Variants in ELF5 observed in about 807,000 individuals in gnomAD.
ELF5 encodes ETS-related transcription factor Elf-5.
ELF5 carries 31 observed loss-of-function variants against 38.2 expected under a neutral mutation model. That is an observed-to-expected ratio of 0.81 (90% CI 0.61 to 1.10). The LOEUF (loss-of-function observed/expected upper bound fraction) is 1.10, where lower values mean the gene tolerates loss of function less well. ELF5 is among the 50% of genes least tolerant of loss of function. ELF5 has a pLI of 0.00. For synonymous variants in ELF5, 121 were observed against 112.5 expected, an observed-to-expected ratio of 1.08 and a Z score of -0.48; for missense variants, 300 against 306.6, an observed-to-expected ratio of 0.98 and a Z score of 0.16.
chr11:34,494,338 G>T (rs960832914), intron 2 of ELF5, among the ~76,000 whole-genome samples: 1 of 152,196 alleles, frequency 6.6e-6, no homozygotes, highest in African/African-American at 2.4e-5. Flanking sequence ...CTGGCTATTT[G>T]TTTCTGCACA....
intron 4 of ELF5, among the ~76,000 whole-genome samples, chr11:34,483,203 C>T (rs1393268612): frequency 6.6e-6 from 1 of 151,972 alleles, no homozygotes; most frequent in Non-Finnish European, 1.5e-5. Flanking sequence ...GTGGTGCACG[C>T]CCTCATCTCA....
intron 1 of ELF5, 75 bp from the exon 2 acceptor site, chr11:34,505,828 C>T: frequency 6.7e-7 from 1 of 1,495,370 alleles, no homozygotes; most frequent in South Asian, 1.4e-5. Context: ...GAGCCCCTAG[C>T]AGGGCGATAC....
At position 34,505,771 on chromosome 11, in the gene ELF5, G is replaced by A; in HGVS notation, c.-4-18C>T. 6.2e-7 allele frequency: 1 copy of A among 1,610,866 alleles called. No individual in the cohort carries two copies. The highest frequency in any genetic ancestry group is 8.5e-7 in the Non-Finnish European group (1 of 1,178,306). On this transcript the variant is annotated intron_variant, in intron 1 of 6. Coordinates refer to ENST00000257832, the MANE Select transcript of ELF5 (RefSeq NM_001422.4). ...ACATTACCCTGCAACAGCAGGAGAGGTCGTGAGGAGGCTGGGGTGAGGTAC... is the reference window on the plus strand; with the variant it reads ...ACATTACCCTGCAACAGCAGGAGAGATCGTGAGGAGGCTGGGGTGAGGTAC...
At chr11:34,488,422 T>A (rs988259651) in intron 4 of ELF5, among the ~76,000 whole-genome samples, 1 of 152,214 alleles carries the variant, frequency 6.6e-6, no homozygotes, top group African/African-American at 2.4e-5. Flanking sequence ...CTTTAACCTC[T>A]AAGCTTCAGT....
intron 2 of ELF5, among the ~76,000 whole-genome samples, chr11:34,496,808 C>G (rs1941725310): frequency 6.6e-6 from 1 of 152,216 alleles, no homozygotes; most frequent in Admixed American, 6.5e-5. Flanking sequence ...AGGAGATTGC[C>G]GTTCCGGGGA....
At position 34,482,424 on chromosome 11, in the gene ELF5, C is replaced by A. The variant is rs755140975; in HGVS notation, c.475+7G>T. On this transcript the variant is annotated splice_region_variant and intron_variant, in intron 5 of 6. Transcript: ENST00000257832. ...AATTAGAATGAAAACTGGCATCCTG[C>A]ACTTACTTGTTCTACTATGACTGTG... 3 of 1,612,644 alleles carry A rather than the reference C, an allele frequency of 1.9e-6. No homozygotes were observed. The highest frequency in any genetic ancestry group is 1.3e-5 in the African/African-American group (1 of 74,890).
At chr11:34,505,555 A>G (rs1169887881) in intron 2 of ELF5, 74 bp downstream of exon 2, 1 of 1,597,812 alleles carries the variant, frequency 6.3e-7, no homozygotes, top group Non-Finnish European at 8.5e-7. Flanking sequence ...TTTGTCTTCC[A>G]CCTGCGGCCA....
intron 1 of ELF5, among the ~76,000 whole-genome samples, chr11:34,506,569 A>G (rs1312956443): frequency 6.6e-6 from 1 of 152,170 alleles, no homozygotes; most frequent in Non-Finnish European, 1.5e-5. Flanking sequence ...GCTGGAGTGT[A>G]GTGGTGTGAT....
chr11:34,492,099 A>G (rs1407837561), intron 3 of ELF5: 2 of 152,142 alleles, frequency 1.3e-5, no homozygotes, highest in Non-Finnish European at 2.9e-5. Flanking sequence ...TTCCCTTGGG[A>G]GGATCCTAAA....
intron 2 of ELF5, among the ~76,000 whole-genome samples, chr11:34,495,997 C>G (rs1043883757): frequency 1.3e-5 from 2 of 151,326 alleles, no homozygotes; most frequent in Admixed American, 1.3e-4. Flanking sequence ...CGGTGTGCGG[C>G]CGTCGGAGGG....
chr11:34,486,325 G>A (rs1849995589), intron 4 of ELF5, among the ~76,000 whole-genome samples: 1 of 152,024 alleles, frequency 6.6e-6, no homozygotes, highest in African/African-American at 2.4e-5. Flanking sequence ...GGTGGGGAGT[G>A]GGACAGGTGG....
intron 4 of ELF5, 76 bp downstream of exon 4, chr11:34,489,933 C>A: frequency 1.3e-6 from 2 of 1,542,200 alleles, no homozygotes; most frequent in African/African-American, 1.4e-5. Context: ...TCAGTATGAT[C>A]CTAAAAGAAT....
chr11:34,511,705 G>A, intron 1 of ELF5: 1 of 1,080,836 alleles, frequency 9.3e-7, no homozygotes, highest in Admixed American at 2.1e-5. Flanking sequence ...ACACAAATCA[G>A]AGGCAGCAAT....
At chr11:34,483,854 TACTA>T (rs1478600506) in intron 4 of ELF5, among the ~76,000 whole-genome samples, 11 of 101,092 alleles carry the variant, frequency 1.1e-4, no homozygotes, top group South Asian at 7.1e-4. Context: ...TACTGCACTA[TACTA>T]ACTATTCTAT....
At chr11:34,511,622 T>A in intron 1 of ELF5, 1 of 1,611,936 alleles carries the variant, frequency 6.2e-7, no homozygotes, top group Non-Finnish European at 8.5e-7. Context: ...TTCTCAGAGC[T>A]GGCTCACACA....
chr11:34,512,488 A>C (rs836145), intron 1 of ELF5, among the ~76,000 whole-genome samples: 63,783 of 151,946 alleles, frequency 0.42, 15,192 homozygotes, highest in African/African-American at 0.64. Context: ...TACTACCCAG[A>C]CTGCTGAAAT....
Position 34,480,930 on chromosome 11 carries a change from G to T in ELF5, c.513C>A (p.Asp171Glu). ...QSSHLWEFVR[D>E]LLLSPEENCG... ...AGTTTTCTTCAGGAGATAGAAGCAG[G>T]TCTCGTACAAATTCCCATAGATGAG... is the stretch of plus-strand genomic sequence containing the variant. The change falls in exon 6 of 7, where the codon GAC becomes GAA. Residue 171 changes from aspartate (D) to glutamate (E), a missense_variant. Asp to Glu is a conservative substitution (Grantham distance 45). Transcript: ENST00000257832. 4 of 1,613,920 alleles carry T rather than the reference G, an allele frequency of 2.5e-6. No individual in the cohort carries two copies. The highest frequency in any genetic ancestry group is 3.4e-6 in the Non-Finnish European group (4 of 1,179,976).
chr11:34,506,535 G>A (rs903330389), intron 1 of ELF5, among the ~76,000 whole-genome samples: 3 of 152,160 alleles, frequency 2.0e-5, no homozygotes, highest in Middle Eastern at 3.4e-3. Flanking sequence ...TTTTTTAAAA[G>A]ATGTAATCCT....
chr11:34,487,935 TTCTC>T (rs1235743034), intron 4 of ELF5, among the ~76,000 whole-genome samples: 1 of 152,130 alleles, frequency 6.6e-6, no homozygotes, highest in Non-Finnish European at 1.5e-5. Context: ...CTTTGGTTCT[TTCTC>T]TAAGACACCA....
Sources: gnomAD v4.1 joint callset for allele counts (sites outside exome capture counted in the v4.1 genomes callset) on GRCh38, gnomAD v4.1.1 for gene constraint, MANE v1.5 for transcripts, NCBI Gene and HGNC (gene_info 2026-07-23, HGNC 2026-07-21) for gene names.